The following IGLL5 variants were observed in gnomAD, a reference collection of about 807,000 sequenced individuals.
IGLL5 encodes immunoglobulin lambda like polypeptide 5.
Under a neutral mutation model 20.9 loss-of-function variants are expected in IGLL5, and 30 were observed. That is an observed-to-expected ratio of 1.44 (90% CI 1.07 to 1.95). The LOEUF (loss-of-function observed/expected upper bound fraction) is 1.95. Ranked by LOEUF, IGLL5 falls within the 30% of genes most tolerant of loss-of-function variation. The pLI, the probability that IGLL5 is intolerant of heterozygous loss-of-function variation, is 0.00. For synonymous variants in IGLL5, 203 were observed against 117.3 expected, an observed-to-expected ratio of 1.73 and a Z score of -4.72; for missense variants, 475 against 270.7, an observed-to-expected ratio of 1.75 and a Z score of -5.30.
chr22:22,890,194 A>C (rs2067783431), intron 1 of IGLL5, among the ~76,000 whole-genome samples: 1 of 148,804 alleles, frequency 6.7e-6, no homozygotes, highest in Non-Finnish European at 1.5e-5. Context: ...GCAGAGAAGT[A>C]TATAAAGTAA....
chr22:22,887,970 T>A lies in IGLL5; in HGVS notation c.-84T>A, dbSNP rs2067555652. On this transcript the variant is annotated 5_prime_UTR_variant, in exon 1 of 3. Transcript: ENST00000526893. ...GGACTGGGGTGTACTGTAACAGCCC[T>A]GCTGGCGAGAGGGACCAGGGCACCG... 3 of 1,109,506 alleles carry A rather than the reference T, an allele frequency of 2.7e-6. No individual in the cohort carries two copies. Among genetic ancestry groups the A allele is most frequent in the Non-Finnish European group, 4.0e-6 (3 of 746,146 alleles). 68.7% of individuals were successfully genotyped at this position (1,109,506 alleles called of 1,614,324 possible).
intron 2 of IGLL5, among the ~76,000 whole-genome samples, chr22:22,894,135 C>T (rs1285552047): frequency 6.6e-6 from 1 of 151,514 alleles, no homozygotes; most frequent in African/African-American, 2.4e-5. Context: ...CCTGCAGTGT[C>T]CTTAGGGACA....
chr22:22,888,097 A>G lies in IGLL5; in HGVS notation c.44A>G (p.Glu15Gly), dbSNP rs1208325252. ...CAAGTGGGTTGTGAGACCCCTGAGGAGCTGGGCCCTGGTCCCAGGCAGCGC... is the reference window on the plus strand; with the variant it reads ...CAAGTGGGTTGTGAGACCCCTGAGGGGCTGGGCCCTGGTCCCAGGCAGCGC... ...TGQVGCETPE[E>G]LGPGPRQRWP... The change falls in exon 1 of 3, where the codon GAG becomes GGG. Residue 15 changes from glutamate to glycine, a missense_variant. Transcript: ENST00000526893. 2 of 1,549,408 alleles carry G rather than the reference A, an allele frequency of 1.3e-6. No individual in the cohort carries two copies. The highest frequency in any genetic ancestry group is 2.7e-5 in the African/African-American group (2 of 72,930).
chr22:22,893,961 G>T (rs191010474), intron 2 of IGLL5, 143 bp downstream of exon 2: 15 of 698,806 alleles, frequency 2.1e-5, no homozygotes, highest in Admixed American at 6.4e-5. Context: ...CCTGGAGGAG[G>T]TGCATTAGTC....
chr22:22,888,607 A>G (rs752934628), intron 1 of IGLL5, among the ~76,000 whole-genome samples: 1 of 151,286 alleles, frequency 6.6e-6, no homozygotes, highest in African/African-American at 2.4e-5. Context: ...CACTGTCCCC[A>G]CAGGGTGCCC....
chr22:22,888,628 CT>C (rs2067624838), intron 1 of IGLL5, among the ~76,000 whole-genome samples: 1 of 151,124 alleles, frequency 6.6e-6, no homozygotes, highest in African/African-American at 2.4e-5. Context: ...AGGCCTGTTC[CT>C]CCCCCTCCTC....
At chr22:22,893,965 A>T (rs954544478) in intron 2 of IGLL5, 147 bp downstream of exon 2, 50 of 689,890 alleles carry the variant, frequency 7.2e-5, no homozygotes, top group Middle Eastern at 5.0e-4. Context: ...GAGGAGGTGC[A>T]TTAGTCTCCG....
At chr22:22,892,299 T>A (rs2067873560) in intron 1 of IGLL5, among the ~76,000 whole-genome samples, 1 of 151,240 alleles carries the variant, frequency 6.6e-6, no homozygotes, top group Non-Finnish European at 1.5e-5. Flanking sequence ...ATGTATTAAA[T>A]ACAAGCTGCT....
At chr22:22,888,511 G>C (rs2067608244) in intron 1 of IGLL5, among the ~76,000 whole-genome samples, 1 of 151,358 alleles carries the variant, frequency 6.6e-6, no homozygotes, top group African/African-American at 2.4e-5. Context: ...ATTTTCACCA[G>C]GGTCAGTGCC....
rs533995492 is a variant in IGLL5 at position 22,894,393 on chromosome 22, G to A, written c.325+575G>A. Reference sequence around the variant, plus strand: ...CTCTGTGGCCTGTGCTGGGTCATGAGGACATGGGGACACAGAGGGACGGGT... The same window carrying A: ...CTCTGTGGCCTGTGCTGGGTCATGAAGACATGGGGACACAGAGGGACGGGT... On this transcript the variant is annotated intron_variant, in intron 2 of 2. Transcript: ENST00000526893. Among the ~76,000 whole-genome samples, 71 of 151,418 alleles carry A rather than the reference G, an allele frequency of 4.7e-4. 1 individual carries two copies. The highest frequency in any genetic ancestry group is 1.5e-3 in the Admixed American group (23 of 15,118).
chr22:22,893,817 A>AG lies in IGLL5; in HGVS notation c.325+1dup, dbSNP rs1430428289. ...GAACTGGGACCAAGGTCACCGTCCT[A>AG]GGTAAGTGGCTCTCAACCTTTCCCA... On this transcript the variant is annotated frameshift_variant and splice_region_variant, in exon 2 of 3. Coordinates refer to ENST00000526893, the MANE Select transcript of IGLL5 (RefSeq NM_001178126.2). LOFTEE classifies it high-confidence loss of function. The AG allele has an allele frequency of 1.3e-6, 2 of 1,598,580 alleles. No homozygotes were observed. Among genetic ancestry groups the AG allele is most frequent in the African/African-American group, 2.7e-5 (2 of 74,366 alleles).
At chr22:22,889,137 A>G (rs535487718) in intron 1 of IGLL5, among the ~76,000 whole-genome samples, 1 of 151,188 alleles carries the variant, frequency 6.6e-6, no homozygotes, top group East Asian at 2.0e-4. Context: ...TTGGAGGCTG[A>G]TGCGACGCCC....
Position 22,893,937 on chromosome 22 carries a change from C to T in IGLL5, c.325+119C>T, listed in dbSNP as rs939345899. On this transcript the variant is annotated intron_variant, in intron 2 of 2. Coordinates refer to ENST00000526893, the MANE Select transcript of IGLL5 (RefSeq NM_001178126.2). Reference sequence around the variant, plus strand: ...CCCAGCCTTAAGCACTGACCCTTACCTTTCTCCATGGGGCCTGGAGGAGGT... The same window carrying T: ...CCCAGCCTTAAGCACTGACCCTTACTTTTCTCCATGGGGCCTGGAGGAGGT... The T allele has an allele frequency of 6.3e-5, 49 of 772,996 alleles. 1 individual carries two copies. Among genetic ancestry groups the T allele is most frequent in the Middle Eastern group, 2.3e-4 (1 of 4,320 alleles). The allele number at this position is 772,996 out of a possible 1,614,324, so 47.9% of individuals were successfully genotyped here. A position where few individuals can be genotyped will look rare whatever the true frequency, so the allele number is the denominator to read the frequency against.
At chr22:22,889,183 T>C (rs1473751406) in intron 1 of IGLL5, among the ~76,000 whole-genome samples, 2 of 151,028 alleles carry the variant, frequency 1.3e-5, no homozygotes, top group East Asian at 2.1e-4. Flanking sequence ...GATGGCCAAG[T>C]CCAGGGTAGG....
intron 2 of IGLL5, among the ~76,000 whole-genome samples, chr22:22,894,206 A>C (rs544418903): frequency 1.3e-5 from 2 of 151,322 alleles, no homozygotes; most frequent in Admixed American, 6.6e-5. Flanking sequence ...GGAGCTGCTG[A>C]GTCTCATAGT....
intron 2 of IGLL5, among the ~76,000 whole-genome samples, chr22:22,894,188 T>G (rs1239332237): frequency 2.0e-5 from 3 of 151,222 alleles, no homozygotes; most frequent in Non-Finnish European, 4.4e-5. Context: ...GCTGCTGGGG[T>G]GGGCCTGGGA....
intron 1 of IGLL5, among the ~76,000 whole-genome samples, chr22:22,889,491 G>C (rs2067725531): frequency 2.0e-5 from 3 of 151,324 alleles, no homozygotes; most frequent in South Asian, 2.1e-4. Context: ...TTTATAACAA[G>C]GGTGGTTAGC....
At chr22:22,888,346 AG>A (rs2067585156) in intron 1 of IGLL5, 87 bp downstream of exon 1, 1 of 1,293,936 alleles carries the variant, frequency 7.7e-7, no homozygotes, top group Admixed American at 2.2e-5. Context: ...CAGAGGAGTG[AG>A]GAGGAAGGTT....
intron 1 of IGLL5, 55 bp downstream of exon 1, chr22:22,888,314 G>C (rs527809059): frequency 3.3e-6 from 5 of 1,502,714 alleles, no homozygotes; most frequent in East Asian, 5.0e-5. Context: ...AGCTGGGAAA[G>C]GGTGACCAAG....
Sources: allele counts gnomAD v4.1 joint callset (sites outside exome capture counted in the v4.1 genomes callset), GRCh38; gene constraint gnomAD v4.1.1; transcripts MANE v1.5; gene names NCBI Gene and HGNC (gene_info 2026-07-23, HGNC 2026-07-21).